Variants in PUM1 observed in about 807,000 individuals in gnomAD.
PUM1 encodes the protein pumilio homolog 1.
Under a neutral mutation model 131.8 loss-of-function variants are expected in PUM1, and 13 were observed. The ratio of observed to expected loss-of-function variants is 0.10; its 90% CI spans 0.06 to 0.16. The LOEUF is 0.16. Among genes scored for constraint, PUM1 ranks in the 10% least tolerant of loss-of-function variants. The probability of loss-of-function intolerance (pLI) is 1.00; values close to 1 mark genes in which losing one functional copy is unlikely to be tolerated. For missense variants in PUM1, 961 were observed against 1,512.4 expected (o/e 0.64, Z 6.05); for synonymous variants, 509 against 556.5 (o/e 0.91, Z 1.20).
At chr1:31,049,842 T>TC (rs1644065822) in intron 2 of PUM1, among the ~76,000 whole-genome samples, 1 of 140,954 alleles carries the variant, frequency 7.1e-6, no homozygotes, top group South Asian at 2.4e-4. Flanking sequence ...TTTTTTTTTT[T>TC]TTTTTGAGAC....
chr1:31,019,683 A>G (rs568643171), intron 3 of PUM1, among the ~76,000 whole-genome samples: 51 of 152,332 alleles, frequency 3.3e-4, no homozygotes, highest in African/African-American at 1.1e-3. Flanking sequence ...GTTTCTTTAT[A>G]CCTTCACATT....
At chr1:31,062,706 C>T (rs1473776016) in intron 1 of PUM1, among the ~76,000 whole-genome samples, 1 of 151,956 alleles carries the variant, frequency 6.6e-6, no homozygotes, top group African/African-American at 2.4e-5. Flanking sequence ...ATTTCAAAGC[C>T]ATCGGCCTAA....
chr1:31,037,939 C>T (rs1643667517), intron 2 of PUM1, among the ~76,000 whole-genome samples: 1 of 151,614 alleles, frequency 6.6e-6, no homozygotes, highest in Admixed American at 6.6e-5. Flanking sequence ...ATTAGCCAGG[C>T]GTGGTGGCAG....
In PUM1 at chr1:30,976,982, G is replaced by GGT. The variant is rs917605067; in HGVS notation, c.1355-2182_1355-2181dup. On this transcript the variant is annotated intron_variant, in intron 9 of 21. Transcript: ENST00000426105. ...CTTAGTTTCCTCACCTGTAAAAATGGGTAAACAGGTAGAGTGTTCCTTAAC... is the reference window on the plus strand; with the variant it reads ...CTTAGTTTCCTCACCTGTAAAAATGGGTGTAAACAGGTAGAGTGTTCCTTAAC... Among the ~76,000 whole-genome samples, 3 of 152,210 alleles carry GGT rather than the reference G, an allele frequency of 2.0e-5. No individual in the cohort carries two copies. In the South Asian group the frequency reaches 6.2e-4, roughly 32 times the overall value.
At chr1:31,029,134 T>C (rs1298662732) in intron 2 of PUM1, among the ~76,000 whole-genome samples, 3 of 152,210 alleles carry the variant, frequency 2.0e-5, no homozygotes, top group Admixed American at 2.0e-4. Context: ...AATTCCATCA[T>C]GAGAATTATG....
chr1:30,933,629 T>G (rs1195966593), intron 21 of PUM1, among the ~76,000 whole-genome samples: 2 of 152,100 alleles, frequency 1.3e-5, no homozygotes, highest in African/African-American at 4.8e-5. Context: ...CATGGGCCAC[T>G]CCCAGGACAA....
rs979408376 is a variant in PUM1 at position 31,059,389 on chromosome 1, T to A, written c.178A>T (p.Thr60Ser). 4 of 1,614,066 alleles carry A rather than the reference T, an allele frequency of 2.5e-6. No individual in the cohort carries two copies. The highest frequency in any genetic ancestry group is 3.4e-6 in the Non-Finnish European group (4 of 1,180,022). ...PAANQALAAG[T>S]HSSPVPGSIG... ...GATCCTGGGACAGGGCTGGAGTGAG[T>A]CCCAGCTGCAAGAGCCTGATTTGCA... The change falls in exon 2 of 22, where the codon ACT becomes TCT. Residue 60 changes from threonine (T) to serine (S), a missense_variant. Thr to Ser is a moderately conservative substitution (Grantham distance 58). Transcript: ENST00000426105.
chr1:31,040,121 T>C (rs1643770919), intron 2 of PUM1, among the ~76,000 whole-genome samples: 1 of 152,196 alleles, frequency 6.6e-6, no homozygotes, highest in South Asian at 2.1e-4. Flanking sequence ...GGTCTCACTA[T>C]GCTGCCACAG....
chr1:31,009,757 G>C (rs1570263931), intron 3 of PUM1, among the ~76,000 whole-genome samples: 1 of 33,712 alleles, frequency 3.0e-5, no homozygotes, highest in Admixed American at 3.0e-4. Flanking sequence ...AAGAGAGCAA[G>C]ACTCTGTCTC....
intron 3 of PUM1, among the ~76,000 whole-genome samples, chr1:31,022,014 A>T (rs1643045325): frequency 6.6e-6 from 1 of 151,912 alleles, no homozygotes; most frequent in Non-Finnish European, 1.5e-5. Context: ...TGAGGTGATT[A>T]GCATAGTTCT....
At chr1:30,949,016 C>T (rs1234704510) in intron 17 of PUM1, 4 of 448,570 alleles carry the variant, frequency 8.9e-6, no homozygotes, top group Non-Finnish European at 1.8e-5. Flanking sequence ...AAACTTATCA[C>T]TTTAAAAACT....
intron 2 of PUM1, among the ~76,000 whole-genome samples, chr1:31,044,792 ATTGTT>A (rs1293288000): frequency 4.6e-5 from 7 of 151,280 alleles, no homozygotes; most frequent in Admixed American, 1.3e-4. Context: ...GCTAATTTTT[ATTGTT>A]TTGTTTTGTT....
At position 30,974,724 on chromosome 1, in the gene PUM1, G is replaced by C; in HGVS notation, c.1433C>G (p.Ala478Gly). The C allele has an allele frequency of 6.2e-7, 1 of 1,612,152 alleles. No individual in the cohort carries two copies. The highest frequency in any genetic ancestry group is 8.5e-7 in the Non-Finnish European group (1 of 1,179,580). Residue 478 changes from alanine (A) to glycine (G), a missense_variant, in exon 10 of 22, where the codon GCT (alanine) becomes GGT (glycine). Around this residue, in one of 4 missense-constraint regions of PUM1, gnomAD observed 654 missense variants for 923.9 expected, o/e 0.71. Coordinates refer to ENST00000426105, the MANE Select transcript of PUM1 (RefSeq NM_001020658.2). ...ATTAGTTGCTGCAGCGGCAGCGGCAGCTTGCTGCTGGAAAAGACTGGCAGG... is the reference window on the plus strand; with the variant it reads ...ATTAGTTGCTGCAGCGGCAGCGGCACCTTGCTGCTGGAAAAGACTGGCAGG... ...VYPASLFQQQAAAAAAATNSA... is the reference protein window; with the variant it reads ...VYPASLFQQQGAAAAAATNSA...
intron 3 of PUM1, 39 bp downstream of exon 3, chr1:31,028,756 TA>T: frequency 1.3e-6 from 2 of 1,530,744 alleles, no homozygotes; most frequent in Non-Finnish European, 1.8e-6. Context: ...AACCTTCCCT[TA>T]AAAACAGACC....
chr1:30,963,659 C>G (rs1640509887), intron 14 of PUM1, among the ~76,000 whole-genome samples: 1 of 152,160 alleles, frequency 6.6e-6, no homozygotes, highest in African/African-American at 2.4e-5. Context: ...TGTTTTTAGT[C>G]AAGTTCTCAC....
At chr1:30,962,004 T>C (rs1640434828) in intron 14 of PUM1, among the ~76,000 whole-genome samples, 1 of 152,204 alleles carries the variant, frequency 6.6e-6, no homozygotes, top group African/African-American at 2.4e-5. Flanking sequence ...TTAAGGCCTT[T>C]GTATGGAGAT....
At chr1:31,059,677 A>G in intron 1 of PUM1, 100 bp from the exon 2 acceptor site, 1 of 1,391,002 alleles carries the variant, frequency 7.2e-7, no homozygotes, top group Non-Finnish European at 9.7e-7. Context: ...ACAATAAATA[A>G]ATGTCGTTGG....
At chr1:31,049,515 CA>C (rs112696868) in intron 2 of PUM1, among the ~76,000 whole-genome samples, 286 of 121,750 alleles carry the variant, frequency 2.3e-3, no homozygotes, top group Non-Finnish European at 2.3e-3. Flanking sequence ...GATTCCGTCT[CA>C]AAAAAAAAAA....
In PUM1 at chr1:31,006,135, T is replaced by C. The variant is rs979189750; in HGVS notation, c.542-104A>G. On this transcript the variant is annotated intron_variant, in intron 4 of 21. Coordinates refer to ENST00000426105, the MANE Select transcript of PUM1 (RefSeq NM_001020658.2). Reference sequence around the variant, plus strand: ...AATGGAATCAGGAAACTTGCCATGGTCAGTTGAGCCAAAACCTCCTATCAT... The same window carrying C: ...AATGGAATCAGGAAACTTGCCATGGCCAGTTGAGCCAAAACCTCCTATCAT... 1.6e-5 allele frequency: 16 copies of C among 1,022,072 alleles called. No homozygotes were observed. In the Admixed American group the frequency reaches 3.4e-4, roughly 22 times the overall value. 63.3% of individuals were successfully genotyped at this position (1,022,072 alleles called of 1,614,324 possible). A position where few individuals can be genotyped will look rare whatever the true frequency, so the allele number is the denominator to read the frequency against.
Sources: allele counts gnomAD v4.1 joint callset (sites outside exome capture counted in the v4.1 genomes callset), GRCh38; gene constraint gnomAD v4.1.1; regional missense constraint gnomAD v4.1.1; transcripts MANE v1.5; gene names NCBI Gene and HGNC (gene_info 2026-07-23, HGNC 2026-07-21).